The following GLIS3 variants were observed in gnomAD, a reference collection of about 807,000 sequenced individuals.
The protein encoded by GLIS3 is zinc finger protein GLIS3.
GLIS3 carries 53 observed loss-of-function variants against 78.6 expected under a neutral mutation model. The ratio of observed to expected loss-of-function variants is 0.67; its 90% CI spans 0.54 to 0.85. GLIS3 has a LOEUF of 0.85. Ranked by LOEUF, GLIS3 falls within the 40% of genes least tolerant of loss-of-function variation. The pLI is 0.00. For missense variants in GLIS3, 1,703 were observed against 1,231.1 expected, an observed-to-expected ratio of 1.38 and a Z score of -5.74; for synonymous variants, 684 against 509.9, an observed-to-expected ratio of 1.34 and a Z score of -4.60.
At chr9:4,064,698 G>A (rs1210189374) in intron 4 of GLIS3, among the ~76,000 whole-genome samples, 1 of 152,164 alleles carries the variant, frequency 6.6e-6, no homozygotes, top group Non-Finnish European at 1.5e-5. Context: ...GAAGGCTGAG[G>A]CAGGAGAATC....
intron 4 of GLIS3, among the ~76,000 whole-genome samples, chr9:4,085,708 T>A (rs1828966834): frequency 6.6e-6 from 1 of 152,178 alleles, no homozygotes; most frequent in African/African-American, 2.4e-5. Context: ...CGCTATCCCC[T>A]CGGTGCTGTC....
chr9:4,150,061 G>T (rs143796249), intron 2 of GLIS3, among the ~76,000 whole-genome samples: 1 of 148,332 alleles, frequency 6.7e-6, no homozygotes, highest in Non-Finnish European at 1.5e-5. Context: ...CACACACACA[G>T]ATGAGCACAA....
At chr9:3,998,157 C>G (rs939550614) in intron 4 of GLIS3, among the ~76,000 whole-genome samples, 3 of 152,230 alleles carry the variant, frequency 2.0e-5, no homozygotes, top group Admixed American at 2.0e-4. Flanking sequence ...CTTTCTGCTC[C>G]AAAAAGATGA....
chr9:4,063,408 A>G (rs1465416231), intron 4 of GLIS3, among the ~76,000 whole-genome samples: 1 of 152,208 alleles, frequency 6.6e-6, no homozygotes, highest in Non-Finnish European at 1.5e-5. Context: ...CCTACCACCA[A>G]GAGTGGCTTA....
rs530558402 is a variant in GLIS3, at chr9:4,325,350, A to G, written n.265-14822T>C. On this transcript the variant is annotated intron_variant and non_coding_transcript_variant, in intron 2 of 4. Transcript: ENST00000471664. ...AGTACCCCTTAATGTGGTGACTAGA[A>G]CCCTGAAAATGTGCTAGGGCATAAT... Among the ~76,000 whole-genome samples the G allele has an allele frequency of 1.1e-4, 17 of 152,328 alleles. 1 individual carries two copies. The East Asian group carries it at 3.1e-3, about 28-fold the overall frequency.
chr9:3,997,476 A>T (rs1251614267), intron 4 of GLIS3, among the ~76,000 whole-genome samples: 1 of 152,160 alleles, frequency 6.6e-6, no homozygotes. Context: ...ATGGGACAAG[A>T]AATGAACATT....
chr9:4,402,458 G>A, the GLIS3 span, among the ~76,000 whole-genome samples: 5 of 152,174 alleles, frequency 3.3e-5, no homozygotes, highest in Non-Finnish European at 7.3e-5. Context: ...AGGAAAACAT[G>A]ACCTCACCAA....
the GLIS3 span, among the ~76,000 whole-genome samples, chr9:4,403,289 C>G: frequency 6.6e-6 from 1 of 152,114 alleles, no homozygotes; most frequent in African/African-American, 2.4e-5. Flanking sequence ...AACACCAGAC[C>G]TCTCCTACAC....
At chr9:4,320,950 G>T (rs948900377) in intron 2 of GLIS3, among the ~76,000 whole-genome samples, 3 of 151,846 alleles carry the variant, frequency 2.0e-5, no homozygotes, top group South Asian at 4.1e-4. Context: ...TTTTTCAATG[G>T]CTCCCACAGC....
At chr9:4,190,016 A>G (rs1818186617) in intron 2 of GLIS3, among the ~76,000 whole-genome samples, 1 of 152,174 alleles carries the variant, frequency 6.6e-6, no homozygotes, top group Non-Finnish European at 1.5e-5. Context: ...GGACATCCAC[A>G]CCAAAAACCC....
intron 2 of GLIS3, among the ~76,000 whole-genome samples, chr9:4,332,724 G>A (rs754832687): frequency 1.7e-4 from 26 of 152,226 alleles, no homozygotes; most frequent in Non-Finnish European, 3.1e-4. Flanking sequence ...ATAGGCGGGA[G>A]TCAGCCTCAT....
chr9:4,339,393 G>A (rs1368245317), intron 2 of GLIS3, among the ~76,000 whole-genome samples: 1 of 152,088 alleles, frequency 6.6e-6, no homozygotes, highest in Non-Finnish European at 1.5e-5. Flanking sequence ...TTTTTAATTT[G>A]CTCCTGTTTA....
chr9:4,384,845 G>C, the GLIS3 span, among the ~76,000 whole-genome samples: 1 of 152,020 alleles, frequency 6.6e-6, no homozygotes, highest in Non-Finnish European at 1.5e-5. Context: ...AAACATATCA[G>C]ATAGAAGACT....
At chr9:4,365,274 C>A in the GLIS3 span, among the ~76,000 whole-genome samples, 1 of 152,066 alleles carries the variant, frequency 6.6e-6, no homozygotes, top group South Asian at 2.1e-4. Flanking sequence ...TTAGAAAGAT[C>A]AAATCAGGCT....
At chr9:4,319,999 G>C (rs914992711) in intron 2 of GLIS3, among the ~76,000 whole-genome samples, 1 of 62,222 alleles carries the variant, frequency 1.6e-5, no homozygotes, top group Non-Finnish European at 3.4e-5. Flanking sequence ...GTGTGTGTGT[G>C]TGTGTGTGTG....
chr9:4,189,104 G>T (rs10974381), intron 2 of GLIS3, among the ~76,000 whole-genome samples: 64,037 of 150,598 alleles, frequency 0.43, 13,771 homozygotes, highest in African/African-American at 0.47. Context: ...GTCAATTTTA[G>T]ATCTTTCCTG....
At chr9:4,150,047 AAC>A (rs59500562) in intron 2 of GLIS3, among the ~76,000 whole-genome samples, 1 of 151,844 alleles carries the variant, frequency 6.6e-6, no homozygotes, top group African/African-American at 2.4e-5. Context: ...TGCACACATA[AAC>A]ACACACACAC....
intron 6 of GLIS3, among the ~76,000 whole-genome samples, chr9:3,927,468 A>T (rs1825331649): frequency 6.6e-6 from 1 of 152,250 alleles, no homozygotes; most frequent in Admixed American, 6.5e-5. Context: ...TGACCAAAAA[A>T]ACTTTTTAAA....
Position 4,337,385 on chromosome 9 carries a change from T to C in GLIS3, n.264+9696A>G, listed in dbSNP as rs1587392913. ...ATAGTATGCAGCTATTAAAGTGATATGGTCAAAAAATTAATGACATAGGAA... is the reference window on the plus strand; with the variant it reads ...ATAGTATGCAGCTATTAAAGTGATACGGTCAAAAAATTAATGACATAGGAA... On this transcript the variant is annotated intron_variant and non_coding_transcript_variant, in intron 2 of 4. Transcript: ENST00000471664. 3.3e-5 allele frequency among the ~76,000 whole-genome samples: 5 copies of C among 152,352 alleles called. No homozygotes were observed. In the South Asian group the frequency reaches 6.2e-4, roughly 19 times the overall value.
Sources: gnomAD v4.1 joint callset for allele counts (sites outside exome capture counted in the v4.1 genomes callset) on GRCh38, gnomAD v4.1.1 for gene constraint, MANE v1.5 for transcripts, NCBI Gene and HGNC (gene_info 2026-07-23, HGNC 2026-07-21) for gene names.